The following PFDN5 variants were observed in gnomAD, a reference collection of about 807,000 sequenced individuals.
The protein encoded by PFDN5 is prefoldin subunit 5.
PFDN5 carries 13 observed loss-of-function variants against 21.5 expected under a neutral mutation model. The observed-to-expected ratio is 0.60, with a 90% CI of 0.39 to 0.96. The LOEUF (loss-of-function observed/expected upper bound fraction) is 0.96, where lower values mean the gene tolerates loss of function less well. Among genes scored for constraint, PFDN5 ranks in the 40% least tolerant of loss-of-function variants. PFDN5 has a pLI of 0.00. For missense variants in PFDN5, 188 were observed against 186.2 expected (o/e 1.01, Z -0.06); for synonymous variants, 84 against 68.9 (o/e 1.22, Z -1.08).
At position 53,297,935 on chromosome 12, in the gene PFDN5, G is replaced by A; in HGVS notation, c.282+11G>A. On this transcript the variant is annotated intron_variant, in intron 4 of 5. Coordinates refer to ENST00000334478, the MANE Select transcript of PFDN5 (RefSeq NM_002624.4). The stretch of plus-strand genomic sequence containing the variant: ...TACTATGTAGAGAAGGTGAGTGAGA[G>A]CATGTGGATGCCCCTCTAAACAGGG... 1 of 1,604,096 alleles carries A rather than the reference G, an allele frequency of 6.2e-7. No individual in the cohort carries two copies. The highest frequency in any genetic ancestry group is 8.5e-7 in the Non-Finnish European group (1 of 1,170,936).
chr12:53,296,129 T>C (rs1944146868), intron 2 of PFDN5, 115 bp from the exon 3 acceptor site: 6 of 921,536 alleles, frequency 6.5e-6, no homozygotes, highest in Admixed American at 2.0e-5. Context: ...CTATTGCCCC[T>C]GTTTCCGTTC....
chr12:53,297,756 G>A, intron 3 of PFDN5, 94 bp from the exon 4 acceptor site: 1 of 881,148 alleles, frequency 1.1e-6, no homozygotes, highest in Admixed American at 1.8e-5. Flanking sequence ...TAGCTTTTTG[G>A]AAAAAGAGGG....
rs757339829 is a variant in PFDN5 at position 53,297,969 on chromosome 12, T to C, written c.282+45T>C. Reference sequence around the variant, plus strand: ...TGCCCCTCTAAACAGGGAAGGGAAATTCAGGGGAAGCTCTAGAGCGCAGCA... The same window carrying C: ...TGCCCCTCTAAACAGGGAAGGGAAACTCAGGGGAAGCTCTAGAGCGCAGCA... On this transcript the variant is annotated intron_variant, in intron 4 of 5. Coordinates refer to ENST00000334478, the MANE Select transcript of PFDN5 (RefSeq NM_002624.4). The C allele has an allele frequency of 3.8e-6, 6 of 1,579,238 alleles. No homozygotes were observed. The East Asian group carries it at 1.3e-4, about 35-fold the overall frequency.
rs146649111 is a variant in PFDN5, at chr12:53,298,123, C to T, written c.361C>T (p.Leu121Phe). Residue 121 changes from leucine to phenylalanine, a missense_variant, in exon 5 of 6, where the codon CTT becomes TTT. Coordinates refer to ENST00000334478, the MANE Select transcript of PFDN5 (RefSeq NM_002624.4). ...TKQMEKIQPA[L>F]QEKHAMKQAV... The stretch of plus-strand genomic sequence containing the variant: ...GCAGATGGAGAAAATCCAACCAGCT[C>T]TTCAGGAGAAGCACGCCATGAAACA... 9 of 1,612,708 alleles carry T rather than the reference C, an allele frequency of 5.6e-6. No individual in the cohort carries two copies. Among genetic ancestry groups the T allele is most frequent in the Non-Finnish European group, 5.1e-6 (6 of 1,178,772 alleles).
In PFDN5 at chr12:53,299,322, G is replaced by T; in HGVS notation, c.442G>T (p.Ala148Ser). Reference protein sequence around the residue: ...KIQQLTALGAAQATAKA With the variant: ...KIQQLTALGASQATAKA ...TCAGCAGCTCACAGCCCTGGGGGCA[G>T]CTCAGGCTACTGCTAAGGCCTGAGA... The change falls in exon 6 of 6, where the codon GCT (alanine) becomes TCT (serine). Residue 148 changes from alanine to serine, a missense_variant. Physicochemically the swap from Ala to Ser is moderately conservative, Grantham distance 99. Coordinates refer to ENST00000334478, the MANE Select transcript of PFDN5 (RefSeq NM_002624.4). 6.2e-7 allele frequency: 1 copy of T among 1,611,536 alleles called. No homozygotes were observed. The highest frequency in any genetic ancestry group is 8.5e-7 in the Non-Finnish European group (1 of 1,178,510).
Position 53,296,230 on chromosome 12 carries a change from C to T in PFDN5, c.176-14C>T, listed in dbSNP as rs1283916417. ...CTAACCTTCCCCAGGTGTTTGTCTT[C>T]ATTGCTTTCACAGGGAAAGAATTAC... On this transcript the variant is annotated splice_polypyrimidine_tract_variant and intron_variant, in intron 2 of 5. Coordinates refer to ENST00000334478, the MANE Select transcript of PFDN5 (RefSeq NM_002624.4). The T allele has an allele frequency of 1.2e-6, 2 of 1,608,846 alleles. No homozygotes were observed. Among genetic ancestry groups the T allele is most frequent in the South Asian group, 1.1e-5 (1 of 90,236 alleles).
chr12:53,295,770 C>A, intron 1 of PFDN5, 69 bp from the exon 2 acceptor site: 1 of 1,243,382 alleles, frequency 8.0e-7, no homozygotes, highest in Non-Finnish European at 1.2e-6. Flanking sequence ...CCAGGACCTG[C>A]CCCCTCCCCG....
chr12:53,296,060 CATGAACCCTT>C, intron 2 of PFDN5, 119 bp downstream of exon 2: 1 of 776,844 alleles, frequency 1.3e-6, no homozygotes. Flanking sequence ...TATACCGCTT[CATGAACCCTT>C]TGCATGTTGC....
In PFDN5 at chr12:53,298,591, C is replaced by T. The variant is rs527993286; in HGVS notation, c.388+441C>T. The stretch of plus-strand genomic sequence containing the variant: ...AGGTCTGTTTTTTTTTAAAAAAGCT[C>T]CCCTCTGTTATAATCAGGATTCAGA... On this transcript the variant is annotated intron_variant, in intron 5 of 5. Coordinates refer to ENST00000334478, the MANE Select transcript of PFDN5 (RefSeq NM_002624.4). 7.3e-3 allele frequency: 204 copies of T among 28,128 alleles called. 7 individuals carry two copies. The South Asian group carries it at 0.082, about 11-fold the overall frequency. The allele number at this position is 28,128 out of a possible 1,614,324, so 1.7% of individuals were successfully genotyped here.
intron 2 of PFDN5, 115 bp downstream of exon 2, chr12:53,296,056 G>A: frequency 1.3e-6 from 1 of 780,976 alleles, no homozygotes; most frequent in Non-Finnish European, 2.2e-6. Context: ...ATCGTATACC[G>A]CTTCATGAAC....
chr12:53,296,636 C>G, intron 3 of PFDN5: 2 of 349,652 alleles, frequency 5.7e-6, no homozygotes, highest in Non-Finnish European at 1.1e-5. Context: ...TCTCGAACTC[C>G]TGACCTCGTG....
chr12:53,296,072 G>C, intron 2 of PFDN5, 131 bp downstream of exon 2: 1 of 776,076 alleles, frequency 1.3e-6, no homozygotes, highest in Non-Finnish European at 2.2e-6. Flanking sequence ...TGAACCCTTT[G>C]CATGTTGCCT....
intron 5 of PFDN5, chr12:53,298,861 C>G (rs957662904): frequency 5.5e-6 from 1 of 181,276 alleles, no homozygotes; most frequent in African/African-American, 2.4e-5. Context: ...CAATGCCAGG[C>G]GCAGTGGCTG....
intron 3 of PFDN5, chr12:53,297,213 G>C (rs1427334618): frequency 1.3e-5 from 2 of 153,210 alleles, no homozygotes; most frequent in Non-Finnish European, 2.9e-5. Context: ...CAGATCACCT[G>C]AGGTCAGGAG....
chr12:53,295,826 C>T lies in PFDN5; in HGVS notation c.73-13C>T, dbSNP rs371797874. 1.3e-6 allele frequency: 2 copies of T among 1,518,584 alleles called. No individual in the cohort carries two copies. Among genetic ancestry groups the T allele is most frequent in the African/African-American group, 1.4e-5 (1 of 73,000 alleles). 94.1% of individuals were successfully genotyped at this position (1,518,584 alleles called of 1,614,324 possible). On this transcript the variant is annotated splice_polypyrimidine_tract_variant and intron_variant, in intron 1 of 5. Coordinates refer to ENST00000334478, the MANE Select transcript of PFDN5 (RefSeq NM_002624.4). ...TAGTCCTCTCATTGACCCGCTATCCCGGTCCTCTGTAGGAAGTGGAGTTCT... is the reference window on the plus strand; with the variant it reads ...TAGTCCTCTCATTGACCCGCTATCCTGGTCCTCTGTAGGAAGTGGAGTTCT...
intron 4 of PFDN5, 34 bp from the exon 5 acceptor site, chr12:53,298,011 C>A (rs1944176214): frequency 6.4e-7 from 1 of 1,562,882 alleles, no homozygotes; most frequent in African/African-American, 1.4e-5. Flanking sequence ...GAGGGAGTCT[C>A]CTTTTAGCCC....
At chr12:53,296,135 C>T (rs1592502680) in intron 2 of PFDN5, 109 bp from the exon 3 acceptor site, 7 of 976,548 alleles carry the variant, frequency 7.2e-6, no homozygotes, top group South Asian at 2.7e-5. Context: ...CCCCTGTTTC[C>T]GTTCTTTTCA....
At chr12:53,297,592 C>T (rs867656835) in intron 3 of PFDN5, 33 of 450,294 alleles carry the variant, frequency 7.3e-5, no homozygotes, top group Admixed American at 1.8e-4. Flanking sequence ...ATTGCAAGAA[C>T]TGCTTAGAGA....
At chr12:53,296,569 C>T (rs1944154220) in intron 3 of PFDN5, 2 of 477,596 alleles carry the variant, frequency 4.2e-6, no homozygotes, top group Non-Finnish European at 7.6e-6. Context: ...CCACCACGAC[C>T]GGCTAATTTT....
Sources: gnomAD v4.1 joint callset for allele counts on GRCh38, gnomAD v4.1.1 for gene constraint, MANE v1.5 for transcripts, NCBI Gene and HGNC (gene_info 2026-07-23, HGNC 2026-07-21) for gene names.